RNFT2: variants seen among roughly 807,000 people sequenced by gnomAD.
RNFT2 encodes E3 ubiquitin-protein ligase RNFT2.
In RNFT2, 36 loss-of-function variants were observed where a neutral mutation model predicts 53.0. The observed-to-expected ratio is 0.68, with a 90% CI of 0.52 to 0.90. The LOEUF (loss-of-function observed/expected upper bound fraction) is 0.90, where lower values mean the gene tolerates loss of function less well. Ranked by LOEUF, RNFT2 falls within the 40% of genes least tolerant of loss-of-function variation. The pLI, the probability that RNFT2 is intolerant of heterozygous loss-of-function variation, is 0.00. For synonymous variants in RNFT2, 260 were observed against 253.2 expected, an observed-to-expected ratio of 1.03 and a Z score of -0.26; for missense variants, 514 against 585.6, an observed-to-expected ratio of 0.88 and a Z score of 1.26.
At chr12:116,758,822 T>C (rs944930141) in intron 5 of RNFT2, among the ~76,000 whole-genome samples, 6 of 152,208 alleles carry the variant, frequency 3.9e-5, no homozygotes, top group Non-Finnish European at 7.3e-5. Context: ...TTGGATAACC[T>C]GATGACAGTG....
At chr12:116,781,567 C>T (rs149359804) in intron 7 of RNFT2, among the ~76,000 whole-genome samples, 3 of 151,718 alleles carry the variant, frequency 2.0e-5, no homozygotes, top group East Asian at 3.9e-4. Context: ...TCAGTGATGG[C>T]AGGTTGAGCG....
At chr12:116,847,046 C>A (rs1261535440) in intron 10 of RNFT2, among the ~76,000 whole-genome samples, 1 of 151,732 alleles carries the variant, frequency 6.6e-6, no homozygotes, top group Non-Finnish European at 1.5e-5. Flanking sequence ...GTAGCTGGGA[C>A]TATAGGCGTG....
At chr12:116,745,947 C>T (rs1186681062) in intron 3 of RNFT2, among the ~76,000 whole-genome samples, 1 of 151,774 alleles carries the variant, frequency 6.6e-6, no homozygotes, top group African/African-American at 2.4e-5. Context: ...ATCACTGTAG[C>T]GGGGGGCAGT....
chr12:116,750,906 ATAT>A (rs369583636), intron 4 of RNFT2, among the ~76,000 whole-genome samples: 1,670 of 62,718 alleles, frequency 0.027, 97 homozygotes, highest in Non-Finnish European at 0.034. Context: ...ATATATATAT[ATAT>A]TTTTTTTTGA....
At chr12:116,750,819 T>A (rs867052309) in intron 4 of RNFT2, among the ~76,000 whole-genome samples, 7 of 4,344 alleles carry the variant, frequency 1.6e-3, no homozygotes, top group African/African-American at 2.5e-3. Flanking sequence ...AATATATATA[T>A]TATATATATA....
intron 1 of RNFT2, among the ~76,000 whole-genome samples, chr12:116,740,062 T>C (rs1225135481): frequency 6.6e-6 from 1 of 151,774 alleles, no homozygotes; most frequent in Non-Finnish European, 1.5e-5. Flanking sequence ...AAAAATTGGG[T>C]GGGCGTGGTG....
At chr12:116,793,266 G>T (rs1874341194) in intron 7 of RNFT2, among the ~76,000 whole-genome samples, 1 of 149,766 alleles carries the variant, frequency 6.7e-6, no homozygotes, top group Admixed American at 6.7e-5. Flanking sequence ...GAGTGCAGTG[G>T]CGTGATCTCA....
rs1353448955 is a variant in RNFT2, at chr12:116,853,296, C to T, written c.*3848C>T. On this transcript the variant is annotated 3_prime_UTR_variant, in exon 11 of 11. Coordinates refer to ENST00000257575, the MANE Select transcript of RNFT2 (RefSeq NM_001382266.1). ...AGTATCAGGTTCACAGTATCCTGCCCTTATTATTTTATGATTCACTGACTC... is the reference window on the plus strand; with the variant it reads ...AGTATCAGGTTCACAGTATCCTGCCTTTATTATTTTATGATTCACTGACTC... 2.5e-6 allele frequency: 1 copy of T among 398,170 alleles called. No individual in the cohort carries two copies. Among genetic ancestry groups the T allele is most frequent in the African/African-American group, 2.1e-5 (1 of 48,576 alleles). 24.7% of individuals were successfully genotyped at this position (398,170 alleles called of 1,614,324 possible).
chr12:116,822,248 C>T (rs1423134520), intron 7 of RNFT2, among the ~76,000 whole-genome samples: 2 of 152,078 alleles, frequency 1.3e-5, no homozygotes, highest in South Asian at 2.1e-4. Context: ...ATCATAGAAC[C>T]CCATGACCTC....
In RNFT2 at chr12:116,813,741, A is replaced by G. The variant is rs1592974379; in HGVS notation, c.883-20051A>G. On this transcript the variant is annotated intron_variant, in intron 7 of 10. Transcript: ENST00000257575. ...TAATTAATTCATGAGAATGTTGCAG[A>G]TATTTCTCCCTTCACTATATTTTCT... Among the ~76,000 whole-genome samples, 3 of 152,324 alleles carry G rather than the reference A, an allele frequency of 2.0e-5. No individual in the cohort carries two copies. The South Asian group carries it at 6.2e-4, about 32-fold the overall frequency.
At chr12:116,834,881 G>A (rs564114331) in intron 8 of RNFT2, among the ~76,000 whole-genome samples, 25 of 137,782 alleles carry the variant, frequency 1.8e-4, no homozygotes, top group African/African-American at 3.9e-4. Flanking sequence ...ACCGAGTCTC[G>A]CTCTGTTGCC....
chr12:116,815,455 AT>A (rs1451860552), intron 7 of RNFT2, among the ~76,000 whole-genome samples: 1 of 151,904 alleles, frequency 6.6e-6, no homozygotes, highest in Non-Finnish European at 1.5e-5. Context: ...GGGACAATCC[AT>A]TTTCTTGTCT....
chr12:116,830,981 C>T (rs770919443), intron 7 of RNFT2, among the ~76,000 whole-genome samples: 1 of 151,806 alleles, frequency 6.6e-6, no homozygotes, highest in Non-Finnish European at 1.5e-5. Context: ...TTATTTGTCA[C>T]GTCTCCTTAA....
chr12:116,825,143 G>T (rs1485106453), intron 7 of RNFT2, among the ~76,000 whole-genome samples: 2 of 152,156 alleles, frequency 1.3e-5, no homozygotes, highest in Admixed American at 6.5e-5. Context: ...TGGGGCCTCA[G>T]TTCTCACCGT....
chr12:116,787,554 A>C (rs142567774), intron 7 of RNFT2, among the ~76,000 whole-genome samples: 17 of 152,206 alleles, frequency 1.1e-4, no homozygotes, highest in African/African-American at 3.4e-4. Context: ...ATAAAAATAA[A>C]AATAAAAATC....
intron 6 of RNFT2, among the ~76,000 whole-genome samples, chr12:116,774,121 C>T (rs771544638): frequency 3.3e-5 from 5 of 152,142 alleles, no homozygotes; most frequent in Non-Finnish European, 4.4e-5. Context: ...GAAAGAATGG[C>T]GGTTGCCAGG....
In RNFT2 at chr12:116,833,951, C is replaced by A; in HGVS notation, c.1032+10C>A. ...CTACAGCCTCTGCAAGGTGAGGTGG[C>A]CCCAAGGCTGGAGGGCCGGCCTAAG... On this transcript the variant is annotated intron_variant, in intron 8 of 10. Transcript: ENST00000257575. 6.3e-7 allele frequency: 1 copy of A among 1,589,598 alleles called. No individual in the cohort carries two copies. The highest frequency in any genetic ancestry group is 8.5e-7 in the Non-Finnish European group (1 of 1,170,268).
Position 116,741,024 on chromosome 12 carries a change from G to A in RNFT2, c.25-12G>A. 6.2e-7 allele frequency: 1 copy of A among 1,607,650 alleles called. No individual in the cohort carries two copies. The highest frequency in any genetic ancestry group is 8.5e-7 in the Non-Finnish European group (1 of 1,176,452). ...TTGGGAGACTCTGGCTCACCCATGT[G>A]TTGGGTTTTAGGTGTTAAGGAAGAT... On this transcript the variant is annotated splice_polypyrimidine_tract_variant and intron_variant, in intron 2 of 10. Transcript: ENST00000257575.
intron 5 of RNFT2, among the ~76,000 whole-genome samples, chr12:116,762,009 G>A (rs1420998464): frequency 1.3e-5 from 2 of 149,556 alleles, no homozygotes; most frequent in African/African-American, 2.5e-5. Flanking sequence ...AGAGGTTGCA[G>A]TGAGCCGAGA....
Sources: allele counts gnomAD v4.1 joint callset (sites outside exome capture counted in the v4.1 genomes callset), GRCh38; gene constraint gnomAD v4.1.1; transcripts MANE v1.5; gene names NCBI Gene and HGNC (gene_info 2026-07-23, HGNC 2026-07-21).